The following MAP3K5 variants were observed in gnomAD, a reference collection of about 807,000 sequenced individuals.
The protein encoded by MAP3K5 is mitogen-activated protein kinase kinase kinase 5, also known as ASK-1.
In MAP3K5, 56 loss-of-function variants were observed where a neutral mutation model predicts 158.7. The observed-to-expected ratio is 0.35, with a 90% CI of 0.28 to 0.44. The LOEUF (loss-of-function observed/expected upper bound fraction) is 0.44. Among genes scored for constraint, MAP3K5 ranks in the 20% least tolerant of loss-of-function variants. MAP3K5 has a pLI of 1.00. For missense variants in MAP3K5, 1,294 were observed against 1,674.8 expected (o/e 0.77, Z 3.97); for synonymous variants, 579 against 601.7 (o/e 0.96, Z 0.55).
chr6:136,637,245 C>T (rs755459697), intron 14 of MAP3K5, 80 bp downstream of exon 14: 23 of 1,296,052 alleles, frequency 1.8e-5, no homozygotes, highest in Non-Finnish European at 2.3e-5. Context: ...CCTCATACAC[C>T]CTGCCTCCTG....
intron 1 of MAP3K5, among the ~76,000 whole-genome samples, chr6:136,787,045 C>A (rs184282285): frequency 3.3e-5 from 5 of 152,182 alleles, no homozygotes; most frequent in Admixed American, 1.3e-4. Context: ...CCTGCCATTT[C>A]ACTTCAGGTG....
At position 136,695,916 on chromosome 6, in the gene MAP3K5, T is replaced by C; in HGVS notation, c.1082+35A>G. On this transcript the variant is annotated intron_variant, in intron 6 of 29. Transcript: ENST00000359015. ...GAATTGCAGGTTACACAATAATATG[T>C]TAACGCATTCTGGAAGGGAACTTTT... The C allele has an allele frequency of 2.4e-6, 3 of 1,265,980 alleles. No homozygotes were observed. In the East Asian group the frequency reaches 7.0e-5, roughly 29 times the overall value. 78.4% of individuals were successfully genotyped at this position (1,265,980 alleles called of 1,614,324 possible).
intron 1 of MAP3K5, among the ~76,000 whole-genome samples, chr6:136,764,922 C>A (rs1302988819): frequency 2.0e-5 from 3 of 152,116 alleles, no homozygotes; most frequent in Admixed American, 6.5e-5. Flanking sequence ...AGTGACTCTG[C>A]GGGGTCAATT....
chr6:136,674,909 T>TA (rs149628212), intron 7 of MAP3K5, among the ~76,000 whole-genome samples: 1 of 151,442 alleles, frequency 6.6e-6, no homozygotes, highest in Admixed American at 6.6e-5. Flanking sequence ...TTCAAAAATA[T>TA]AAAAAAAATC....
intron 7 of MAP3K5, among the ~76,000 whole-genome samples, chr6:136,688,766 A>G (rs1055775683): frequency 6.6e-6 from 1 of 152,204 alleles, no homozygotes. Flanking sequence ...CTTGTACACA[A>G]TGCATTCTAA....
rs369430804 is a variant in MAP3K5, at chr6:136,562,630, T to C, written c.3762-15A>G. 2.8e-6 allele frequency: 4 copies of C among 1,413,898 alleles called. No individual in the cohort carries two copies. The highest frequency in any genetic ancestry group is 2.4e-5 in the South Asian group (2 of 82,238). The allele number at this position is 1,413,898 out of a possible 1,614,324, so 87.6% of individuals were successfully genotyped here. A position where few individuals can be genotyped will look rare whatever the true frequency, so the allele number is the denominator to read the frequency against. ...CTTCCAGTAATCTGCAGAAGAAAAA[T>C]ATATTGTTTGACAGGAGGTGACACA... On this transcript the variant is annotated splice_polypyrimidine_tract_variant and intron_variant, in intron 26 of 29. Transcript: ENST00000359015.
intron 1 of MAP3K5, among the ~76,000 whole-genome samples, chr6:136,782,144 G>C (rs1214128589): frequency 1.3e-5 from 2 of 151,878 alleles, no homozygotes; most frequent in Non-Finnish European, 2.9e-5. Context: ...GCCAGGCACA[G>C]TGGCTCATGC....
At chr6:136,583,101 G>C (rs909884059) in intron 24 of MAP3K5, among the ~76,000 whole-genome samples, 3 of 152,160 alleles carry the variant, frequency 2.0e-5, no homozygotes, top group Non-Finnish European at 4.4e-5. Context: ...TGTTCTATAT[G>C]AAAACTAGAG....
chr6:136,702,526 T>A (rs1780897905), intron 3 of MAP3K5, among the ~76,000 whole-genome samples: 1 of 152,218 alleles, frequency 6.6e-6, no homozygotes. Flanking sequence ...AACAGACACC[T>A]TAAGTGGAAC....
At chr6:136,704,480 G>T (rs1051297181) in intron 3 of MAP3K5, among the ~76,000 whole-genome samples, 1 of 152,062 alleles carries the variant, frequency 6.6e-6, no homozygotes, top group African/African-American at 2.4e-5. Flanking sequence ...ATCTGTGTGT[G>T]GATATAGGCT....
In MAP3K5 at chr6:136,650,579, T is replaced by C. The variant is rs17065570; in HGVS notation, c.1788+405A>G. On this transcript the variant is annotated intron_variant, in intron 11 of 29. Coordinates refer to ENST00000359015, the MANE Select transcript of MAP3K5 (RefSeq NM_005923.4). ...CAAAACAGCTAGATGTAATGATAAC[T>C]ATAATGGTACCAGTGTAAGATTAAA... 5.8e-3 allele frequency among the ~76,000 whole-genome samples: 887 copies of C among 152,348 alleles called. 8 individuals carry two copies. Among genetic ancestry groups the C allele is most frequent in the African/African-American group, 0.02 (851 of 41,576 alleles).
At chr6:136,700,763 T>C (rs769384108) in intron 3 of MAP3K5, among the ~76,000 whole-genome samples, 6 of 152,094 alleles carry the variant, frequency 3.9e-5, no homozygotes, top group East Asian at 1.9e-4. Flanking sequence ...CTGAGAATTA[T>C]TGGATATGGT....
chr6:136,750,088 AT>A (rs1783134691), intron 1 of MAP3K5, among the ~76,000 whole-genome samples: 1 of 151,910 alleles, frequency 6.6e-6, no homozygotes, highest in Non-Finnish European at 1.5e-5. Context: ...CAGTTTTGTT[AT>A]TTTTTTAAGA....
intron 14 of MAP3K5, chr6:136,637,102 G>C (rs1195247703): frequency 1.0e-5 from 14 of 1,395,608 alleles, no homozygotes; most frequent in Non-Finnish European, 1.0e-5. Context: ...CTCGCTATCA[G>C]GTAAGTAAAA....
Position 136,609,263 on chromosome 6 carries a change from G to T in MAP3K5, c.2521+2019C>A, listed in dbSNP as rs28535088. On this transcript the variant is annotated intron_variant, in intron 18 of 29. Transcript: ENST00000359015. This position sits in a 1 kb window ranked among gnomAD's most constrained non-coding sequence, Gnocchi z 4.4. ...AGAGGAAAGAAATGTAAAGACATTTGAAGTTATTAATAGGTCAGAATTTAG... is the reference window on the plus strand; with the variant it reads ...AGAGGAAAGAAATGTAAAGACATTTTAAGTTATTAATAGGTCAGAATTTAG... 0.011 allele frequency among the ~76,000 whole-genome samples: 1,745 copies of T among 152,260 alleles called. 28 individuals are homozygous for T. Among genetic ancestry groups the T allele is most frequent in the East Asian group, 0.082 (426 of 5,182 alleles).
intron 7 of MAP3K5, 124 bp downstream of exon 7, chr6:136,694,016 A>C: frequency 1.5e-6 from 1 of 687,244 alleles, no homozygotes; most frequent in Non-Finnish European, 2.3e-6. Flanking sequence ...AATAAAATCT[A>C]AGGTTTAGTT....
intron 7 of MAP3K5, among the ~76,000 whole-genome samples, chr6:136,679,985 A>G (rs1008005697): frequency 2.6e-5 from 4 of 152,152 alleles, no homozygotes; most frequent in African/African-American, 9.7e-5. Context: ...AAAGGAAGAA[A>G]ATTCAGACAT....
intron 1 of MAP3K5, among the ~76,000 whole-genome samples, chr6:136,752,962 C>A (rs746368186): frequency 1.3e-5 from 2 of 152,170 alleles, no homozygotes; most frequent in Middle Eastern, 3.2e-3. Flanking sequence ...ACCACTCAGG[C>A]CTGGTTACCA....
chr6:136,688,016 A>G (rs1368037414), intron 7 of MAP3K5, among the ~76,000 whole-genome samples: 2 of 152,168 alleles, frequency 1.3e-5, no homozygotes, highest in Non-Finnish European at 2.9e-5. Context: ...CTTGGACCCA[A>G]CCCAAATGCC....
Sources: allele counts gnomAD v4.1 joint callset (sites outside exome capture counted in the v4.1 genomes callset), GRCh38; gene constraint gnomAD v4.1.1; non-coding constraint Gnocchi (gnomAD v3.1); transcripts MANE v1.5; gene names NCBI Gene and HGNC (gene_info 2026-07-23, HGNC 2026-07-21).